FAM151B: variants seen among roughly 807,000 people sequenced by gnomAD.
The protein encoded by FAM151B is family with sequence similarity 151 member B.
In FAM151B, 24 loss-of-function variants were observed where a neutral mutation model predicts 31.2. The observed-to-expected ratio is 0.77, with a 90% CI of 0.56 to 1.08. The LOEUF (loss-of-function observed/expected upper bound fraction) is 1.08. Ranked by LOEUF, FAM151B falls within the 50% of genes least tolerant of loss-of-function variation. The probability of loss-of-function intolerance (pLI) is 0.00; values close to 1 mark genes in which losing one functional copy is unlikely to be tolerated. For missense variants in FAM151B, 293 were observed against 328.6 expected (o/e 0.89, Z 0.84); for synonymous variants, 105 against 111.4 (o/e 0.94, Z 0.36).
In FAM151B at chr5:80,513,777, T is replaced by C. The variant is rs1424178998; in HGVS notation, c.317+8T>C. The C allele has an allele frequency of 6.3e-7, 1 of 1,593,180 alleles. No individual in the cohort carries two copies. Among genetic ancestry groups the C allele is most frequent in the Non-Finnish European group, 8.5e-7 (1 of 1,171,314 alleles). ...CAAGCTGGATTTCAAAAGGTATTTG[T>C]ATAAACACGTTCAATTTTCTGGGAA... On this transcript the variant is annotated splice_region_variant and intron_variant, in intron 3 of 5. Coordinates refer to ENST00000282226, the MANE Select transcript of FAM151B (RefSeq NM_205548.3).
chr5:80,526,618 T>TA (rs199918603), intron 5 of FAM151B, among the ~76,000 whole-genome samples: 10 of 151,264 alleles, frequency 6.6e-5, no homozygotes, highest in African/African-American at 1.9e-4. Context: ...AGATTCCGTC[T>TA]AAAAAAAAAT....
intron 2 of FAM151B, among the ~76,000 whole-genome samples, chr5:80,506,905 C>G (rs1743983928): frequency 1.3e-5 from 2 of 151,528 alleles, no homozygotes; most frequent in South Asian, 4.2e-4. Context: ...ACTCCCAGCA[C>G]TTTGGGAGGT....
Position 80,513,666 on chromosome 5 carries a change from C to T in FAM151B, c.214C>T (p.Pro72Ser). ...AAGTGATGGATCAGAACACAGCCAG[C>T]CAATTATGGCCCATCCCCCTGAAAC... ...LPSDGSEHSQ[P>S]IMAHPPETNS... Residue 72 changes from proline to serine, a missense_variant, in exon 3 of 6, where the codon CCA (proline) becomes TCA (serine). Pro to Ser is a moderately conservative substitution (Grantham distance 74). Coordinates refer to ENST00000282226, the MANE Select transcript of FAM151B (RefSeq NM_205548.3). 1 of 1,614,088 alleles carries T rather than the reference C, an allele frequency of 6.2e-7. No homozygotes were observed. The highest frequency in any genetic ancestry group is 8.5e-7 in the Non-Finnish European group (1 of 1,180,020).
At chr5:80,525,221 T>C (rs141853430) in intron 5 of FAM151B, among the ~76,000 whole-genome samples, 3 of 152,328 alleles carry the variant, frequency 2.0e-5, no homozygotes, top group Admixed American at 6.5e-5. Flanking sequence ...TCTAAGAAGA[T>C]AGCAATATCC....
At chr5:80,505,749 A>ATT (rs386404255) in intron 2 of FAM151B, among the ~76,000 whole-genome samples, 19,265 of 77,840 alleles carry the variant, frequency 0.25, 3,329 homozygotes, top group African/African-American at 0.39. Context: ...TCCTATAAGA[A>ATT]TTTTTTTTTT....
At chr5:80,513,168 C>T (rs1309922995) in intron 2 of FAM151B, among the ~76,000 whole-genome samples, 3 of 152,080 alleles carry the variant, frequency 2.0e-5, no homozygotes, top group Admixed American at 6.5e-5. Flanking sequence ...GTAACTAAAC[C>T]GTAAGTCAAA....
At chr5:80,498,154 CA>C (rs1040136680) in intron 1 of FAM151B, among the ~76,000 whole-genome samples, 2 of 152,072 alleles carry the variant, frequency 1.3e-5, no homozygotes, top group Admixed American at 6.5e-5. Flanking sequence ...TTGTTATAGC[CA>C]ATCAATAATG....
At chr5:80,488,209 C>G (rs2112589508) in intron 1 of FAM151B, 61 bp downstream of exon 1, 2 of 1,507,632 alleles carry the variant, frequency 1.3e-6, no homozygotes, top group African/African-American at 2.9e-5. Flanking sequence ...CTCCGCCGGC[C>G]GTACCCTCCC....
intron 2 of FAM151B, among the ~76,000 whole-genome samples, chr5:80,511,335 G>A (rs1744175604): frequency 6.7e-6 from 1 of 150,018 alleles, no homozygotes; most frequent in Non-Finnish European, 1.5e-5. Context: ...TTAGCAGGGT[G>A]TGGTGGTGCA....
chr5:80,515,650 GT>G (rs1471298159), intron 3 of FAM151B, among the ~76,000 whole-genome samples: 1 of 152,036 alleles, frequency 6.6e-6, no homozygotes, highest in Non-Finnish European at 1.5e-5. Flanking sequence ...GATTTTGCAA[GT>G]TTTTTTTAAA....
chr5:80,496,979 T>G (rs988013938), intron 1 of FAM151B, among the ~76,000 whole-genome samples: 23 of 151,858 alleles, frequency 1.5e-4, no homozygotes, highest in African/African-American at 5.6e-4. Flanking sequence ...CCCAGCTAAT[T>G]TTTGTATTTC....
intron 3 of FAM151B, among the ~76,000 whole-genome samples, chr5:80,514,787 T>C (rs1411942813): frequency 6.6e-6 from 1 of 152,138 alleles, no homozygotes; most frequent in Non-Finnish European, 1.5e-5. Flanking sequence ...CTTGGAATCT[T>C]GTAGGATTCT....
intron 1 of FAM151B, among the ~76,000 whole-genome samples, chr5:80,489,465 A>G (rs184006683): frequency 6.6e-6 from 1 of 152,246 alleles, no homozygotes; most frequent in East Asian, 1.9e-4. Flanking sequence ...TAAGAATCCA[A>G]ACAAATCTGG....
intron 1 of FAM151B, among the ~76,000 whole-genome samples, chr5:80,497,000 G>C (rs1743566005): frequency 6.6e-6 from 1 of 151,594 alleles, no homozygotes; most frequent in South Asian, 2.1e-4. Flanking sequence ...TAGTAGAGAA[G>C]GGGTTTCAAC....
intron 3 of FAM151B, among the ~76,000 whole-genome samples, chr5:80,517,234 C>A (rs1028196519): frequency 3.3e-5 from 5 of 152,020 alleles, no homozygotes; most frequent in Non-Finnish European, 7.4e-5. Flanking sequence ...TTGCTAATCT[C>A]TTACTGTGAC....
intron 1 of FAM151B, chr5:80,499,789 CTT>C (rs1411811340): frequency 6.6e-6 from 1 of 150,758 alleles, no homozygotes; most frequent in Non-Finnish European, 1.5e-5. Context: ...TTTTTAAAAT[CTT>C]ATATTTTTCC....
chr5:80,508,642 C>T (rs1021068293), intron 2 of FAM151B, among the ~76,000 whole-genome samples: 2 of 152,116 alleles, frequency 1.3e-5, no homozygotes, highest in African/African-American at 4.8e-5. Context: ...GACCTCTTTT[C>T]GTTTTGAACT....
At chr5:80,539,704 G>T (rs759062077) in intron 5 of FAM151B, among the ~76,000 whole-genome samples, 1 of 151,404 alleles carries the variant, frequency 6.6e-6, no homozygotes, top group Non-Finnish European at 1.5e-5. Context: ...GTTACCCAGG[G>T]TGGTCTTGAA....
chr5:80,508,258 CAT>C (rs1744052944), intron 2 of FAM151B, among the ~76,000 whole-genome samples: 1 of 152,124 alleles, frequency 6.6e-6, no homozygotes, highest in African/African-American at 2.4e-5. Context: ...TTTTTGTAGA[CAT>C]GTGTTTTCAG....
Sources: allele counts gnomAD v4.1 joint callset (sites outside exome capture counted in the v4.1 genomes callset), GRCh38; gene constraint gnomAD v4.1.1; transcripts MANE v1.5; gene names NCBI Gene and HGNC (gene_info 2026-07-23, HGNC 2026-07-21).